Variants in TNIP2 observed in about 807,000 individuals in gnomAD.
The protein encoded by TNIP2 is TNFAIP3-interacting protein 2.
A neutral mutation model predicts 43.7 loss-of-function variants in TNIP2; 30 were observed. The ratio of observed to expected loss-of-function variants is 0.69; its 90% CI spans 0.51 to 0.93. TNIP2 has a LOEUF of 0.93. TNIP2 is among the 40% of genes least tolerant of loss of function. TNIP2 has a pLI of 0.00. For missense variants in TNIP2, 599 were observed against 591.0 expected, an observed-to-expected ratio of 1.01 and a Z score of -0.14; for synonymous variants, 260 against 254.6, an observed-to-expected ratio of 1.02 and a Z score of -0.20.
intron 5 of TNIP2, among the ~76,000 whole-genome samples, chr4:2,743,803 G>C (rs1011990662): frequency 2.6e-5 from 4 of 152,312 alleles, no homozygotes; most frequent in East Asian, 3.9e-4. Context: ...CTGGATTTTT[G>C]CAGAGCACAA....
intron 1 of TNIP2, among the ~76,000 whole-genome samples, chr4:2,754,646 G>A (rs889824027): frequency 2.6e-5 from 4 of 152,236 alleles, no homozygotes; most frequent in African/African-American, 9.6e-5. Flanking sequence ...TCAATCTCCT[G>A]ACCTCGTGAT....
chr4:2,743,587 G>T (rs1009195233), intron 5 of TNIP2, among the ~76,000 whole-genome samples: 2 of 152,170 alleles, frequency 1.3e-5, no homozygotes, highest in Non-Finnish European at 2.9e-5. Flanking sequence ...ACAGGGCAGT[G>T]GGGGGTGGCC....
intron 1 of TNIP2, among the ~76,000 whole-genome samples, chr4:2,750,312 A>G (rs1168000108): frequency 1.3e-5 from 2 of 152,076 alleles, no homozygotes; most frequent in Non-Finnish European, 2.9e-5. Context: ...CTAGTACTTG[A>G]GGTAAGAAGG....
rs1461531808 is a variant in TNIP2 at position 2,744,399 on chromosome 4, C to T, written c.1014G>A (p.Val338=). ...EEKVASLLHQ[V]SWRQDSREPD... is the part of the protein sequence containing the mutation. Reference sequence around the variant, plus strand: ...CCTCATACTCTACCTGTCTCCAGGACACCTGGTGCAGCAAAGAGGCGACCT... The same window carrying T: ...CCTCATACTCTACCTGTCTCCAGGATACCTGGTGCAGCAAAGAGGCGACCT... The change falls in exon 5 of 6, where the codon GTG becomes GTA. Residue 338 remains valine (V), a synonymous_variant. Transcript: ENST00000315423. The surrounding 1 kb of genome is among the most constrained non-coding windows in gnomAD (Gnocchi z 5.1). 6.2e-7 allele frequency: 1 copy of T among 1,614,240 alleles called. No individual in the cohort carries two copies.
In TNIP2 at chr4:2,742,390, G is replaced by A. The variant is rs553726958; in HGVS notation, c.1157C>T (p.Pro386Leu). The A allele has an allele frequency of 2.1e-5, 34 of 1,610,508 alleles. No individual in the cohort carries two copies. The South Asian group carries it at 3.6e-4, about 17-fold the overall frequency. The change falls in exon 6 of 6, where the codon CCC becomes CTC. Residue 386 changes from proline to leucine, a missense_variant. Physicochemically the swap from Pro to Leu is moderately conservative, Grantham distance 98. Transcript: ENST00000315423. ...GCCAGGATGCCCGCCCTCTGCAGGG[G>A]GTTCTGGCTGCTGGGACCCAGTCCC... ...RPGTGSQQPE[P>L]PAEGGHPGAA...
chr4:2,744,978 A>T lies in TNIP2; in HGVS notation c.658-33T>A. On this transcript the variant is annotated intron_variant, in intron 3 of 5. Coordinates refer to ENST00000315423, the MANE Select transcript of TNIP2 (RefSeq NM_024309.4). This position sits in a 1 kb window ranked among gnomAD's most constrained non-coding sequence, Gnocchi z 5.1. ...GGTGGAGCCGGAAAGCTCACGGTGA[A>T]GGCAGCTGACAAAGCTGCTCAAGCC... 6.3e-7 allele frequency: 1 copy of T among 1,580,540 alleles called. No homozygotes were observed. Among genetic ancestry groups the T allele is most frequent in the South Asian group, 1.1e-5 (1 of 88,200 alleles).
intron 1 of TNIP2, among the ~76,000 whole-genome samples, chr4:2,748,682 C>T (rs1722020249): frequency 1.5e-5 from 2 of 134,196 alleles, no homozygotes; most frequent in South Asian, 2.1e-4. Flanking sequence ...TTAGTAGAGA[C>T]GGGGTTTCAC....
At chr4:2,755,343 C>T (rs1722203412) in intron 1 of TNIP2, among the ~76,000 whole-genome samples, 1 of 151,650 alleles carries the variant, frequency 6.6e-6, no homozygotes, top group Admixed American at 6.6e-5. Context: ...ACACACGAAC[C>T]TCAAAATACC....
rs765816272 is a variant in TNIP2, at chr4:2,744,850, G to A, written c.753C>T (p.Pro251=). The change falls in exon 4 of 6, where the codon CCC becomes CCT. Residue 251 remains proline, a synonymous_variant. Transcript: ENST00000315423. This position sits in a 1 kb window ranked among gnomAD's most constrained non-coding sequence, Gnocchi z 5.1. ...LHAQLRGLQI[P]HEPELMRKEI... ...CCTTCCTCATCAGCTCGGGCTCGTG[G>A]GGGATCTGCAGCCCCCTGAGCTGCG... 6.2e-7 allele frequency: 1 copy of A among 1,614,004 alleles called. No individual in the cohort carries two copies. Among genetic ancestry groups the A allele is most frequent in the South Asian group, 1.1e-5 (1 of 91,084 alleles).
chr4:2,742,671 A>AG, intron 5 of TNIP2, 151 bp from the exon 6 acceptor site: 1 of 774,376 alleles, frequency 1.3e-6, no homozygotes, highest in East Asian at 3.1e-5. Context: ...AGCCCAGACA[A>AG]GGGGGCGCTC....
rs765272629 is a variant in TNIP2, at chr4:2,747,793, C to T, written c.429G>A (p.Leu143=). ...GERARAASDV[L]CRSLANETHQ... The stretch of plus-strand genomic sequence containing the variant: ...GGGTCTCGTTGGCCAAGGAGCGGCA[C>T]AGGACGTCACTGGCGGCCCGGGCGC... The change falls in exon 2 of 6, where the codon CTG becomes CTA. Residue 143 remains leucine (L), a synonymous_variant. Transcript: ENST00000315423. 17 of 1,612,650 alleles carry T rather than the reference C, an allele frequency of 1.1e-5. No individual in the cohort carries two copies. The highest frequency in any genetic ancestry group is 1.4e-5 in the Non-Finnish European group (16 of 1,180,036).
Position 2,747,873 on chromosome 4 carries a change from G to T in TNIP2, c.349C>A (p.His117Asn), listed in dbSNP as rs752454015. ...EMQQLLSQPQ[H>N]EREKEVVLLR... is the part of the protein sequence containing the mutation. ...AGGACGACTTCCTTCTCTCGCTCGT[G>T]TTGGGGCTGGCTCAGCAGCTGCTGC... is the stretch of plus-strand genomic sequence containing the variant. Residue 117 changes from histidine (H) to asparagine (N), a missense_variant, in exon 2 of 6, where the codon CAC becomes AAC. By Grantham distance (68) the His-to-Asn change is moderately conservative. Transcript: ENST00000315423. The T allele has an allele frequency of 1.9e-6, 3 of 1,613,832 alleles. No homozygotes were observed. Among genetic ancestry groups the T allele is most frequent in the Non-Finnish European group, 2.5e-6 (3 of 1,180,048 alleles).
At chr4:2,745,911 T>G in intron 2 of TNIP2, 1 of 212,392 alleles carries the variant, frequency 4.7e-6, no homozygotes. Context: ...TGCCAGAGAT[T>G]TGCCATTATC....
Position 2,744,245 on chromosome 4 carries a change from T to G in TNIP2, c.1026+142A>C, listed in dbSNP as rs930808943. 2.9e-6 allele frequency: 3 copies of G among 1,039,632 alleles called. No homozygotes were observed. In the African/African-American group the frequency reaches 4.9e-5, roughly 17 times the overall value. 64.4% of individuals were successfully genotyped at this position (1,039,632 alleles called of 1,614,324 possible). ...GCCCAGGTACCAGGCCAGGTGGCTC[T>G]CCCCACAGCAGGGAGGGGCTCGCCA... On this transcript the variant is annotated intron_variant, in intron 5 of 5. Coordinates refer to ENST00000315423, the MANE Select transcript of TNIP2 (RefSeq NM_024309.4). The surrounding 1 kb of genome is among the most constrained non-coding windows in gnomAD (Gnocchi z 5.1).
chr4:2,752,328 A>G (rs1246602777), intron 1 of TNIP2, among the ~76,000 whole-genome samples: 1 of 152,080 alleles, frequency 6.6e-6, no homozygotes, highest in Non-Finnish European at 1.5e-5. Context: ...TTATTCCAGA[A>G]AGTATTAACT....
At chr4:2,745,229 T>C in intron 3 of TNIP2, 1 of 609,376 alleles carries the variant, frequency 1.6e-6, no homozygotes, top group South Asian at 2.0e-5. Flanking sequence ...TGCATCTCCT[T>C]TACTGACTTG....
chr4:2,748,465 T>C (rs1004599719), intron 1 of TNIP2, among the ~76,000 whole-genome samples: 1 of 152,128 alleles, frequency 6.6e-6, no homozygotes, highest in African/African-American at 2.4e-5. Flanking sequence ...GCCTCAGCCT[T>C]CCGAGTAGCT....
At position 2,741,676 on chromosome 4, in the gene TNIP2, G is replaced by A. The variant is rs1721787893; in HGVS notation, c.*581C>T. ...ATTCTCAGAGCAGTCACAGCAGCAA[G>A]AACGTTTATTATAAAAATAGGTGAA... On this transcript the variant is annotated 3_prime_UTR_variant, in exon 6 of 6. Transcript: ENST00000315423. 1 of 152,266 alleles carries A rather than the reference G, an allele frequency of 6.6e-6. No homozygotes were observed. Among genetic ancestry groups the A allele is most frequent in the African/African-American group, 2.4e-5 (1 of 41,456 alleles). 9.4% of individuals were successfully genotyped at this position (152,266 alleles called of 1,614,324 possible).
chr4:2,756,095 G>C lies in TNIP2; in HGVS notation c.195C>G (p.Asp65Glu), dbSNP rs909605462. Residue 65 changes from aspartate (D) to glutamate (E), a missense_variant, in exon 1 of 6, where the codon GAC (aspartate) becomes GAG (glutamate). Physicochemically the swap from Asp to Glu is conservative, Grantham distance 45. Coordinates refer to ENST00000315423, the MANE Select transcript of TNIP2 (RefSeq NM_024309.4). ...LEGDAAPSLV[D>E]ALLEQVARFR... Reference sequence around the variant, plus strand: ...AGCGCGCAACCTGCTCCAGCAGCGCGTCCACTAGGGACGGCGCGGCGTCCC... The same window carrying C: ...AGCGCGCAACCTGCTCCAGCAGCGCCTCCACTAGGGACGGCGCGGCGTCCC... 1 of 1,513,828 alleles carries C rather than the reference G, an allele frequency of 6.6e-7. No individual in the cohort carries two copies. The highest frequency in any genetic ancestry group is 1.4e-5 in the African/African-American group (1 of 69,696). 93.8% of individuals were successfully genotyped at this position (1,513,828 alleles called of 1,614,324 possible). A position where few individuals can be genotyped will look rare whatever the true frequency, so the allele number is the denominator to read the frequency against.
Sources: gnomAD v4.1 joint callset for allele counts (sites outside exome capture counted in the v4.1 genomes callset) on GRCh38, gnomAD v4.1.1 for gene constraint, Gnocchi (gnomAD v3.1) non-coding constraint, MANE v1.5 for transcripts, NCBI Gene and HGNC (gene_info 2026-07-23, HGNC 2026-07-21) for gene names.